TDP1: variants seen among roughly 807,000 people sequenced by gnomAD.
TDP1 encodes the protein tyr-DNA phosphodiesterase 1.
A neutral mutation model predicts 81.5 loss-of-function variants in TDP1; 64 were observed. The ratio of observed to expected loss-of-function variants is 0.79; its 90% CI spans 0.64 to 0.97. The LOEUF (loss-of-function observed/expected upper bound fraction) is 0.97. Ranked by LOEUF, TDP1 falls within the 50% of genes least tolerant of loss-of-function variation. The pLI, the probability that TDP1 is intolerant of heterozygous loss-of-function variation, is 0.00. For synonymous variants in TDP1, 256 were observed against 264.3 expected (o/e 0.97, Z 0.30); for missense variants, 723 against 743.8 (o/e 0.97, Z 0.33).
At chr14:89,997,243 T>G (rs1170744732) in intron 14 of TDP1, among the ~76,000 whole-genome samples, 2 of 152,190 alleles carry the variant, frequency 1.3e-5, no homozygotes, top group African/African-American at 4.8e-5. Flanking sequence ...AGTCCATGCC[T>G]GTCTTGTTCA....
intron 11 of TDP1, 135 bp downstream of exon 11, chr14:89,989,225 G>A: frequency 2.9e-6 from 4 of 1,399,088 alleles, no homozygotes; most frequent in Middle Eastern, 5.1e-4. Flanking sequence ...GCGGGGGCGG[G>A]GTGCGGAAAG....
chr14:89,985,342 T>C, intron 10 of TDP1, 132 bp downstream of exon 10: 1 of 629,424 alleles, frequency 1.6e-6, no homozygotes, highest in Non-Finnish European at 2.8e-6. Context: ...ACTTGATAAA[T>C]TGATAATTAT....
intron 5 of TDP1, among the ~76,000 whole-genome samples, chr14:89,970,605 T>C (rs1463401700): frequency 2.0e-5 from 3 of 152,150 alleles, no homozygotes; most frequent in Non-Finnish European, 4.4e-5. Flanking sequence ...AGATAATTAT[T>C]CAAGGACTTT....
intron 14 of TDP1, among the ~76,000 whole-genome samples, chr14:90,015,953 A>G (rs571136685): frequency 6.6e-6 from 1 of 152,188 alleles, no homozygotes; most frequent in African/African-American, 2.4e-5. Flanking sequence ...CACAATTTCC[A>G]GAATTCCCTT....
intron 12 of TDP1, 127 bp downstream of exon 12, chr14:89,989,892 A>G: frequency 1.3e-6 from 1 of 763,738 alleles, no homozygotes; most frequent in South Asian, 1.5e-5. Flanking sequence ...GATCATGAAA[A>G]TAGGCAATAT....
intron 13 of TDP1, among the ~76,000 whole-genome samples, chr14:89,992,429 A>AGTG (rs1371286986): frequency 1.3e-5 from 2 of 152,160 alleles, no homozygotes; most frequent in Non-Finnish European, 2.9e-5. Flanking sequence ...GTAAATGCTG[A>AGTG]GTGGACAAGT....
At chr14:90,027,858 C>T (rs1886844430) in intron 15 of TDP1, among the ~76,000 whole-genome samples, 1 of 152,016 alleles carries the variant, frequency 6.6e-6, no homozygotes, top group African/African-American at 2.4e-5. Context: ...GTGCCTGGTA[C>T]TTAGCAAGTC....
chr14:89,957,527 A>G (rs777607665), intron 2 of TDP1, among the ~76,000 whole-genome samples: 3 of 152,202 alleles, frequency 2.0e-5, no homozygotes, highest in Non-Finnish European at 4.4e-5. Flanking sequence ...AACTCAATTG[A>G]GGAGCATGGC....
chr14:89,999,201 G>GA lies in TDP1; in HGVS notation c.1541+5725dup, dbSNP rs201791960. 5.9e-3 allele frequency among the ~76,000 whole-genome samples: 905 copies of GA among 152,188 alleles called. 6 individuals carry two copies. Among genetic ancestry groups the GA allele is most frequent in the African/African-American group, 0.021 (867 of 41,520 alleles). On this transcript the variant is annotated intron_variant, in intron 14 of 16. Coordinates refer to ENST00000335725, the MANE Select transcript of TDP1 (RefSeq NM_018319.4). ...TAACTGCCAAGTCCTAGTGAAAGCTGAAAAAAATGCCTTATACATTTCTAA... is the reference window on the plus strand; with the variant it reads ...TAACTGCCAAGTCCTAGTGAAAGCTGAAAAAAAATGCCTTATACATTTCTAA...
At chr14:89,985,232 T>C in intron 10 of TDP1, 22 bp downstream of exon 10, 1 of 1,434,256 alleles carries the variant, frequency 7.0e-7, no homozygotes, top group East Asian at 2.3e-5. Context: ...TTTACTATTT[T>C]AACATTTTTA....
intron 15 of TDP1, among the ~76,000 whole-genome samples, chr14:90,020,377 T>TCCC (rs1885850482): frequency 3.4e-5 from 2 of 58,614 alleles, no homozygotes; most frequent in South Asian, 6.6e-4. Context: ...CCTCCCTCCC[T>TCCC]TCCTTCCTTC....
At chr14:89,961,026 G>A (rs1825491734) in intron 2 of TDP1, among the ~76,000 whole-genome samples, 1 of 152,178 alleles carries the variant, frequency 6.6e-6, no homozygotes, top group Non-Finnish European at 1.5e-5. Flanking sequence ...GGAGGAGAGG[G>A]TAGAACAGAG....
intron 14 of TDP1, among the ~76,000 whole-genome samples, chr14:90,013,983 T>TA (rs1302390888): frequency 2.0e-5 from 3 of 152,208 alleles, no homozygotes; most frequent in African/African-American, 7.2e-5. Context: ...CTTTATAAAT[T>TA]ACCCAGTCTT....
chr14:89,967,991 G>C lies in TDP1; in HGVS notation c.659+569G>C, dbSNP rs1033730357. Among the ~76,000 whole-genome samples, 38 of 152,200 alleles carry C rather than the reference G, an allele frequency of 2.5e-4. 1 individual carries two copies. Among genetic ancestry groups the C allele is most frequent in the African/African-American group, 9.2e-4 (38 of 41,514 alleles). ...TTCCCTATTTCTAACACATTTACGGGGCAGATTCCCATAACAGCAAGTAGG... is the reference window on the plus strand; with the variant it reads ...TTCCCTATTTCTAACACATTTACGGCGCAGATTCCCATAACAGCAAGTAGG... On this transcript the variant is annotated intron_variant, in intron 5 of 16. Coordinates refer to ENST00000335725, the MANE Select transcript of TDP1 (RefSeq NM_018319.4).
At chr14:89,986,621 CG>C (rs1335292599) in intron 10 of TDP1, among the ~76,000 whole-genome samples, 1 of 152,190 alleles carries the variant, frequency 6.6e-6, no homozygotes, top group African/African-American at 2.4e-5. Context: ...GAAGGCCGGC[CG>C]GTGATTAGGT....
intron 7 of TDP1, among the ~76,000 whole-genome samples, chr14:89,979,524 G>T (rs1435709119): frequency 6.6e-6 from 1 of 152,106 alleles, no homozygotes; most frequent in African/African-American, 2.4e-5. Flanking sequence ...GGCAAGCCTG[G>T]TCTCAAACTC....
intron 3 of TDP1, 151 bp downstream of exon 3, chr14:89,963,824 A>C (rs1892620438): frequency 3.5e-6 from 3 of 857,330 alleles, no homozygotes; most frequent in African/African-American, 1.7e-5. Flanking sequence ...AGGCAAGTGC[A>C]TTAGTATAAC....
At chr14:89,966,264 T>C (rs1892935486) in intron 4 of TDP1, 74 bp downstream of exon 4, 11 of 986,652 alleles carry the variant, frequency 1.1e-5, no homozygotes, top group African/African-American at 4.7e-5. Context: ...TAAGAAAATA[T>C]GAGAGGCATA....
intron 16 of TDP1, among the ~76,000 whole-genome samples, chr14:90,038,298 CATATACATA>C (rs1224031173): frequency 6.6e-6 from 1 of 152,122 alleles, no homozygotes; most frequent in African/African-American, 2.4e-5. Context: ...GTAGATTTAG[CATATACATA>C]ATATACATAA....
Sources: allele counts gnomAD v4.1 joint callset (sites outside exome capture counted in the v4.1 genomes callset), GRCh38; gene constraint gnomAD v4.1.1; transcripts MANE v1.5; gene names NCBI Gene and HGNC (gene_info 2026-07-23, HGNC 2026-07-21).